Variants in GRIK2 observed in about 807,000 individuals in gnomAD.
The protein encoded by GRIK2 is glutamate receptor ionotropic, kainate 2.
A neutral mutation model predicts 100.3 loss-of-function variants in GRIK2; 32 were observed. The ratio of observed to expected loss-of-function variants is 0.32; its 90% CI spans 0.24 to 0.43. The LOEUF (loss-of-function observed/expected upper bound fraction) is 0.43, where lower values mean the gene tolerates loss of function less well. Ranked by LOEUF, GRIK2 falls within the 20% of genes least tolerant of loss-of-function variation. The pLI, the probability that GRIK2 is intolerant of heterozygous loss-of-function variation, is 1.00. For synonymous variants in GRIK2, 417 were observed against 389.4 expected, an observed-to-expected ratio of 1.07 and a Z score of -0.83; for missense variants, 843 against 1,114.9, an observed-to-expected ratio of 0.76 and a Z score of 3.47.
In GRIK2 at chr6:102,055,354, C is replaced by T; in HGVS notation, c.2336C>T (p.Thr779Ile). Residue 779 changes from threonine (T) to isoleucine (I), a missense_variant, in exon 16 of 17, where the codon ACC becomes ATC. Thr to Ile is a moderately conservative substitution (Grantham distance 89). This residue lies in a region of GRIK2 where 237 missense variants were observed against 388.0 expected (regional missense o/e 0.61). Coordinates refer to ENST00000369134, the MANE Select transcript of GRIK2 (RefSeq NM_021956.5). Reference sequence around the variant, plus strand: ...GGTTCTCCATATCGAGACAAAATTACCATAGCAATTCTTCAGCTGCAAGAG... The same window carrying T: ...GGTTCTCCATATCGAGACAAAATTATCATAGCAATTCTTCAGCTGCAAGAG... ...PMGSPYRDKI[T>I]IAILQLQEEG... is the part of the protein sequence containing the mutation. 6.2e-7 allele frequency: 1 copy of T among 1,610,928 alleles called. No homozygotes were observed.
chr6:102,053,669 TAATG>T (rs936362955), intron 15 of GRIK2, among the ~76,000 whole-genome samples: 1 of 152,128 alleles, frequency 6.6e-6, no homozygotes, highest in African/African-American at 2.4e-5. Context: ...CATATAAAAA[TAATG>T]AAGCACATGC....
Position 101,978,976 on chromosome 6 carries a change from C to T in GRIK2, c.2085+50344C>T, listed in dbSNP as rs201169545. Reference sequence around the variant, plus strand: ...TCCATATGTTATCCTAATCATGAGCCACAATACCCCACTTTCCATGGTCAG... The same window carrying T: ...TCCATATGTTATCCTAATCATGAGCTACAATACCCCACTTTCCATGGTCAG... On this transcript the variant is annotated intron_variant, in intron 14 of 16. Transcript: ENST00000369134. Among the ~76,000 whole-genome samples, 3 of 151,936 alleles carry T rather than the reference C, an allele frequency of 2.0e-5. No homozygotes were observed. In the East Asian group the frequency reaches 5.8e-4, roughly 30 times the overall value.
intron 7 of GRIK2, among the ~76,000 whole-genome samples, chr6:101,727,272 G>C (rs1165628094): frequency 2.0e-5 from 3 of 152,016 alleles, no homozygotes; most frequent in Non-Finnish European, 4.4e-5. Context: ...CACAGAAATA[G>C]GCAACCCTTT....
chr6:101,536,735 T>C (rs1303606501), intron 2 of GRIK2, among the ~76,000 whole-genome samples: 1 of 146,970 alleles, frequency 6.8e-6, no homozygotes, highest in Non-Finnish European at 1.5e-5. Context: ...TTTTGGATTA[T>C]AATCAGATTA....
chr6:101,633,336 G>A (rs142408031), intron 4 of GRIK2, among the ~76,000 whole-genome samples: 9 of 152,144 alleles, frequency 5.9e-5, no homozygotes, highest in East Asian at 1.9e-4. Context: ...TGGTTACTAC[G>A]GTCTTTGGTA....
chr6:101,525,496 A>G (rs1052383415), intron 2 of GRIK2, among the ~76,000 whole-genome samples: 9 of 152,180 alleles, frequency 5.9e-5, no homozygotes, highest in African/African-American at 2.2e-4. Context: ...TGTGTAGGAA[A>G]CAGTAAAAAT....
At chr6:101,897,268 T>G (rs971535370) in intron 12 of GRIK2, among the ~76,000 whole-genome samples, 1 of 151,724 alleles carries the variant, frequency 6.6e-6, no homozygotes, top group African/African-American at 2.4e-5. Context: ...CCAGAATAAA[T>G]ATTTTTTTGA....
Position 101,802,428 on chromosome 6 carries a change from G to T in GRIK2, c.1193G>T (p.Gly398Val), listed in dbSNP as rs1178189024. 6.7e-7 allele frequency: 1 copy of T among 1,490,248 alleles called. No homozygotes were observed. Among genetic ancestry groups the T allele is most frequent in the African/African-American group, 1.4e-5 (1 of 71,630 alleles). 92.3% of individuals were successfully genotyped at this position (1,490,248 alleles called of 1,614,324 possible). ...DLDVISLKEE[G>V]LEKIGTWDPA... ...GATGTGATCAGTCTGAAGGAAGAAG[G>T]TCTAGAAAAGGTATTTCAGTGAGCT... is the stretch of plus-strand genomic sequence containing the variant. Residue 398 changes from glycine to valine, a missense_variant, in exon 9 of 17, where the codon GGT becomes GTT. Around this residue, in one of 3 missense-constraint regions of GRIK2, gnomAD observed 519 missense variants for 643.8 expected, o/e 0.81. Transcript: ENST00000369134.
intron 14 of GRIK2, among the ~76,000 whole-genome samples, chr6:101,988,090 AGTGTGT>A (rs57491735): frequency 0.22 from 30,749 of 141,258 alleles, 3,520 homozygotes; most frequent in Middle Eastern, 0.3. Flanking sequence ...CCAGTATTAT[AGTGTGT>A]GTGTGTGTGT....
chr6:101,930,621 T>C (rs1790207671), intron 14 of GRIK2, among the ~76,000 whole-genome samples: 2 of 152,066 alleles, frequency 1.3e-5, no homozygotes, highest in South Asian at 4.1e-4. Context: ...AAAGTTCAAA[T>C]ATACTAGTAG....
At chr6:101,851,870 A>G (rs1325616257) in intron 10 of GRIK2, among the ~76,000 whole-genome samples, 1 of 150,706 alleles carries the variant, frequency 6.6e-6, no homozygotes, top group Non-Finnish European at 1.5e-5. Flanking sequence ...GTCAGTAAGA[A>G]TTATTTAATC....
intron 2 of GRIK2, among the ~76,000 whole-genome samples, chr6:101,458,800 A>T (rs1177300635): frequency 2.6e-5 from 4 of 152,076 alleles, no homozygotes; most frequent in African/African-American, 9.7e-5. Flanking sequence ...ACCATGTCAA[A>T]TTTTTCTCAA....
At chr6:102,022,090 A>T (rs1045928122) in intron 14 of GRIK2, among the ~76,000 whole-genome samples, 10 of 150,626 alleles carry the variant, frequency 6.6e-5, no homozygotes, top group Non-Finnish European at 1.3e-4. Flanking sequence ...TTGGTTCCTA[A>T]AATTCATTCT....
rs142522207 is a variant in GRIK2 at position 101,720,437 on chromosome 6, T to G, written c.951+34084T>G. Reference sequence around the variant, plus strand: ...AGCATAGCAGTTAATTTGTTTCTTCTTAAATATTCATCAAACAGAATTTTG... The same window carrying G: ...AGCATAGCAGTTAATTTGTTTCTTCGTAAATATTCATCAAACAGAATTTTG... On this transcript the variant is annotated intron_variant, in intron 7 of 16. Transcript: ENST00000369134. Among the ~76,000 whole-genome samples, 8 of 152,192 alleles carry G rather than the reference T, an allele frequency of 5.3e-5. No individual in the cohort carries two copies. In the East Asian group the frequency reaches 1.6e-3, roughly 30 times the overall value.
chr6:101,451,696 G>GT (rs1554201786), intron 2 of GRIK2, among the ~76,000 whole-genome samples: 1 of 13,144 alleles, frequency 7.6e-5, no homozygotes, highest in African/African-American at 7.7e-4. Context: ...TTATCTCTGA[G>GT]GGGGGGGGGG....
chr6:101,905,153 T>G (rs1788137110), intron 12 of GRIK2, among the ~76,000 whole-genome samples: 1 of 151,634 alleles, frequency 6.6e-6, no homozygotes, highest in Non-Finnish European at 1.5e-5. Flanking sequence ...GTAGTGATAT[T>G]AAAATGGTCT....
chr6:101,630,016 A>T (rs1421061403), intron 4 of GRIK2, among the ~76,000 whole-genome samples: 1 of 152,108 alleles, frequency 6.6e-6, no homozygotes, highest in African/African-American at 2.4e-5. Context: ...GCTTTCAGCT[A>T]CATCCATGTT....
intron 7 of GRIK2, among the ~76,000 whole-genome samples, chr6:101,787,339 T>A (rs1254416494): frequency 6.6e-6 from 1 of 151,948 alleles, no homozygotes; most frequent in Non-Finnish European, 1.5e-5. Flanking sequence ...TTTTTTCTTC[T>A]ACTAATACTA....
chr6:101,621,926 AT>A, intron 2 of GRIK2, 22 bp from the exon 3 acceptor site: 1 of 1,542,516 alleles, frequency 6.5e-7, no homozygotes, highest in Non-Finnish European at 8.9e-7. Context: ...AAAATTTATG[AT>A]TTTTCTCTTT....
Sources: gnomAD v4.1 joint callset for allele counts (sites outside exome capture counted in the v4.1 genomes callset) on GRCh38, gnomAD v4.1.1 for gene constraint, gnomAD v4.1.1 regional missense constraint, MANE v1.5 for transcripts, NCBI Gene and HGNC (gene_info 2026-07-23, HGNC 2026-07-21) for gene names.